The following TENM2 variants were observed in gnomAD, a reference collection of about 807,000 sequenced individuals.
TENM2 encodes the protein teneurin-2.
Under a neutral mutation model 245.2 loss-of-function variants are expected in TENM2, and 52 were observed. That is an observed-to-expected ratio of 0.21 (90% CI 0.17 to 0.27). The LOEUF is 0.27. Among genes scored for constraint, TENM2 ranks in the 10% least tolerant of loss-of-function variants. TENM2 has a pLI of 1.00. For synonymous variants in TENM2, 1,363 were observed against 1,438.9 expected, an observed-to-expected ratio of 0.95 and a Z score of 1.19; for missense variants, 3,046 against 3,666.8, an observed-to-expected ratio of 0.83 and a Z score of 4.37.
intron 2 of TENM2, among the ~76,000 whole-genome samples, chr5:167,589,325 C>A (rs1775722164): frequency 6.6e-6 from 1 of 152,054 alleles, no homozygotes; most frequent in South Asian, 2.1e-4. Flanking sequence ...GCATGATACA[C>A]AAATTATTTA....
chr5:167,329,498 G>C (rs1250608945), intron 1 of TENM2, among the ~76,000 whole-genome samples: 1 of 136,144 alleles, frequency 7.3e-6, no homozygotes, highest in South Asian at 2.4e-4. Context: ...CTTGCAGTGA[G>C]CCGCGATCAT....
the TENM2 span, among the ~76,000 whole-genome samples, chr5:167,246,771 G>C: frequency 6.6e-6 from 1 of 151,978 alleles, no homozygotes; most frequent in South Asian, 2.1e-4. Context: ...ATGTTGGTTG[G>C]CGCGGGGTGT....
At chr5:167,520,061 G>A (rs531302365) in intron 2 of TENM2, among the ~76,000 whole-genome samples, 1 of 152,180 alleles carries the variant, frequency 6.6e-6, no homozygotes, top group African/African-American at 2.4e-5. Flanking sequence ...AGGCTAAATG[G>A]GACCTAAACA....
intron 2 of TENM2, among the ~76,000 whole-genome samples, chr5:167,814,874 G>C (rs1766925868): frequency 6.6e-6 from 1 of 152,140 alleles, no homozygotes; most frequent in South Asian, 2.1e-4. Context: ...AATCAGGAAG[G>C]GTTGGCTAGA....
At chr5:168,200,867 T>C (rs1274628969) in intron 17 of TENM2, among the ~76,000 whole-genome samples, 2 of 152,168 alleles carry the variant, frequency 1.3e-5, no homozygotes, top group African/African-American at 4.8e-5. Flanking sequence ...TTAATTAAAA[T>C]CCAGAATCCT....
chr5:167,236,146 G>T, the TENM2 span, among the ~76,000 whole-genome samples: 22 of 152,070 alleles, frequency 1.4e-4, no homozygotes, highest in African/African-American at 5.1e-4. Context: ...CTCCATTATT[G>T]CATGAACTTT....
intron 2 of TENM2, among the ~76,000 whole-genome samples, chr5:167,833,434 C>T (rs1561834032): frequency 6.6e-6 from 1 of 152,112 alleles, no homozygotes; most frequent in African/African-American, 2.4e-5. Context: ...GCAAAAGGAA[C>T]ATTCAAAAAG....
chr5:167,533,252 A>AATGG (rs1771632385), intron 2 of TENM2, among the ~76,000 whole-genome samples: 1 of 152,126 alleles, frequency 6.6e-6, no homozygotes, highest in Non-Finnish European at 1.5e-5. Flanking sequence ...CGGGTGAGGA[A>AATGG]ATGGATAACC....
intron 21 of TENM2, 67 bp downstream of exon 23, chr5:168,215,339 C>A: frequency 1.5e-6 from 2 of 1,299,312 alleles, no homozygotes; most frequent in Non-Finnish European, 2.2e-6. Flanking sequence ...GCTTTCTTCT[C>A]ATCAGAACTT....
chr5:167,914,011 A>C (rs774940239), intron 3 of TENM2, among the ~76,000 whole-genome samples: 1 of 152,000 alleles, frequency 6.6e-6, no homozygotes, highest in Non-Finnish European at 1.5e-5. Context: ...TATTATGACT[A>C]CTCTTTTTAT....
At chr5:168,074,155 G>A (rs975895468) in intron 7 of TENM2, among the ~76,000 whole-genome samples, 3 of 152,092 alleles carry the variant, frequency 2.0e-5, no homozygotes, top group Non-Finnish European at 2.9e-5. Flanking sequence ...TTATCCTTCC[G>A]TTGAGACACT....
At chr5:168,004,431 G>A (rs112632693) in intron 5 of TENM2, among the ~76,000 whole-genome samples, 7 of 152,204 alleles carry the variant, frequency 4.6e-5, no homozygotes, top group African/African-American at 1.7e-4. Flanking sequence ...GCCATGGCTA[G>A]TGGTAGTGGG....
chr5:167,262,408 G>T, the TENM2 span, among the ~76,000 whole-genome samples: 1 of 139,804 alleles, frequency 7.2e-6, no homozygotes, highest in South Asian at 2.3e-4. Flanking sequence ...TTGGGGGGGC[G>T]GTGCACAATA....
At chr5:167,930,363 C>A (rs2151700455) in intron 3 of TENM2, among the ~76,000 whole-genome samples, 1 of 152,178 alleles carries the variant, frequency 6.6e-6, no homozygotes, top group South Asian at 2.1e-4. Context: ...TATGAAGAAT[C>A]AATGAAGAAT....
At chr5:167,114,919 G>A in the TENM2 span, among the ~76,000 whole-genome samples, 2 of 152,218 alleles carry the variant, frequency 1.3e-5, no homozygotes, top group South Asian at 4.1e-4. Flanking sequence ...AGTGGAGAAG[G>A]GGATATGCCT....
intron 2 of TENM2, among the ~76,000 whole-genome samples, chr5:167,837,943 C>T (rs1769156467): frequency 6.6e-6 from 1 of 152,166 alleles, no homozygotes. Flanking sequence ...TTCCCAGGGC[C>T]CCTTCATCCT....
At chr5:167,925,171 A>G (rs1433191636) in intron 3 of TENM2, among the ~76,000 whole-genome samples, 2 of 152,240 alleles carry the variant, frequency 1.3e-5, no homozygotes, top group Non-Finnish European at 2.9e-5. Flanking sequence ...ATAGCATCAT[A>G]CAATAGAATA....
intron 2 of TENM2, among the ~76,000 whole-genome samples, chr5:167,587,323 C>A (rs1775577181): frequency 6.6e-6 from 1 of 152,162 alleles, no homozygotes; most frequent in South Asian, 2.1e-4. Context: ...ATTAGCCTTT[C>A]ATAAACTGAA....
At chr5:168,178,497 A>G (rs531585437) in intron 13 of TENM2, among the ~76,000 whole-genome samples, 42 of 152,208 alleles carry the variant, frequency 2.8e-4, no homozygotes, top group Non-Finnish European at 1.3e-4. Context: ...AGGTATAAAA[A>G]ACGTGGCTCT....
Sources: gnomAD v4.1 joint callset for allele counts (sites outside exome capture counted in the v4.1 genomes callset) on GRCh38, gnomAD v4.1.1 for gene constraint, MANE v1.5 for transcripts, NCBI Gene and HGNC (gene_info 2026-07-23, HGNC 2026-07-21) for gene names.